ANKFN1: variants seen among roughly 807,000 people sequenced by gnomAD.
The protein encoded by ANKFN1 is ankyrin repeat and fibronectin type-III domain-containing protein 1.
A neutral mutation model predicts 108.7 loss-of-function variants in ANKFN1; 74 were observed. The ratio of observed to expected loss-of-function variants is 0.68; its 90% confidence interval spans 0.56 to 0.83. ANKFN1 has a LOEUF of 0.83. Ranked by LOEUF, ANKFN1 falls within the 40% of genes least tolerant of loss-of-function variation. The pLI, the probability that ANKFN1 is intolerant of heterozygous loss-of-function variation, is 0.00. For synonymous variants in ANKFN1, 547 were observed against 516.2 expected (o/e 1.06, Z -0.81); for missense variants, 1,505 against 1,382.3 (o/e 1.09, Z -1.41).
intron 3 of ANKFN1, among the ~76,000 whole-genome samples, chr17:56,321,567 A>G (rs2045368473): frequency 6.6e-6 from 1 of 152,178 alleles, no homozygotes; most frequent in African/African-American, 2.4e-5. Flanking sequence ...AACCACATGG[A>G]ACTAACCACA....
chr17:56,341,534 G>A (rs2192210), intron 4 of ANKFN1, among the ~76,000 whole-genome samples: 120,659 of 152,062 alleles, frequency 0.79, 48,198 homozygotes, highest in East Asian at 0.96. Context: ...AATTTTATCA[G>A]AAACCTTTTT....
chr17:56,231,184 G>A (rs1916709377), intron 3 of ANKFN1, among the ~76,000 whole-genome samples: 1 of 151,998 alleles, frequency 6.6e-6, no homozygotes. Context: ...AACAAGCCTA[G>A]AGCAGTCTCT....
chr17:56,275,152 G>T (rs934450057), intron 3 of ANKFN1, among the ~76,000 whole-genome samples: 3 of 152,104 alleles, frequency 2.0e-5, no homozygotes, highest in African/African-American at 7.2e-5. Flanking sequence ...GGAAACGGTT[G>T]CTTCCAATTC....
At chr17:56,418,867 TAA>T (rs2048316300) in intron 8 of ANKFN1, among the ~76,000 whole-genome samples, 5 of 151,948 alleles carry the variant, frequency 3.3e-5, no homozygotes, top group African/African-American at 1.2e-4. Flanking sequence ...CTTCAGGGGT[TAA>T]TGCACCTTGC....
intron 19 of ANKFN1, among the ~76,000 whole-genome samples, chr17:56,497,112 A>G (rs957141497): frequency 6.6e-6 from 1 of 152,140 alleles, no homozygotes; most frequent in Admixed American, 6.5e-5. Flanking sequence ...TGCCTTTAAA[A>G]TAACTTTCAA....
In ANKFN1 at chr17:56,246,439, G is replaced by A. The variant is rs113772085; in HGVS notation, c.53+18482G>A. Among the ~76,000 whole-genome samples, 502 of 152,160 alleles carry A rather than the reference G, an allele frequency of 3.3e-3. 2 individuals carry two copies. Among genetic ancestry groups the A allele is most frequent in the African/African-American group, 0.011 (471 of 41,528 alleles). ...ACATTATAATATTAGCCATTGACCC[G>A]CTTTTGTAACTAAAGTTAATGGCTA... On this transcript the variant is annotated intron_variant, in intron 3 of 20. Coordinates refer to ENST00000682825, the MANE Select transcript of ANKFN1 (RefSeq NM_001370326.1).
intron 5 of ANKFN1, among the ~76,000 whole-genome samples, chr17:56,351,633 A>T (rs111479044): frequency 1.2e-4 from 19 of 152,202 alleles, no homozygotes; most frequent in African/African-American, 4.6e-4. Flanking sequence ...GATAACTAAA[A>T]ATGTCTCAGT....
chr17:56,253,464 G>A (rs553387309), intron 3 of ANKFN1, among the ~76,000 whole-genome samples: 4 of 152,166 alleles, frequency 2.6e-5, no homozygotes, highest in East Asian at 3.9e-4. Context: ...CAGGCCGGGC[G>A]CAATGGTTCA....
At chr17:56,353,031 A>G (rs2046284871) in intron 5 of ANKFN1, among the ~76,000 whole-genome samples, 1 of 152,134 alleles carries the variant, frequency 6.6e-6, no homozygotes, top group South Asian at 2.1e-4. Context: ...TACCTGTGCT[A>G]ACATTACCTA....
At chr17:56,200,309 C>T (rs1427159180) in intron 1 of ANKFN1, among the ~76,000 whole-genome samples, 3 of 152,208 alleles carry the variant, frequency 2.0e-5, no homozygotes, top group South Asian at 2.1e-4. Flanking sequence ...TTAGAAAGAA[C>T]CATGAGCACT....
At chr17:56,089,165 C>A (rs1905369356) in intron 4 of ANKFN1, among the ~76,000 whole-genome samples, 1 of 151,388 alleles carries the variant, frequency 6.6e-6, no homozygotes, top group South Asian at 2.1e-4. Context: ...TTCTAGTTAT[C>A]ATGTCAAAAC....
intron 4 of ANKFN1, among the ~76,000 whole-genome samples, chr17:56,048,315 G>A (rs529461608): frequency 6.6e-6 from 1 of 151,896 alleles, no homozygotes; most frequent in Admixed American, 6.6e-5. Context: ...CTTCCTGGGG[G>A]GATGAATTCT....
intron 4 of ANKFN1, among the ~76,000 whole-genome samples, chr17:56,112,792 T>C (rs955904106): frequency 6.6e-6 from 1 of 152,348 alleles, no homozygotes; most frequent in East Asian, 1.9e-4. Context: ...TTCCATTCTA[T>C]AGATTGCAAT....
At chr17:56,185,645 CAG>C (rs1912127361) in intron 1 of ANKFN1, among the ~76,000 whole-genome samples, 1 of 152,142 alleles carries the variant, frequency 6.6e-6, no homozygotes, top group Admixed American at 6.5e-5. Context: ...CCTCCCACCA[CAG>C]AGTTAAAAAC....
intron 4 of ANKFN1, among the ~76,000 whole-genome samples, chr17:56,332,159 T>A (rs113908411): frequency 2.2e-3 from 331 of 152,272 alleles, no homozygotes; most frequent in African/African-American, 7.6e-3. Flanking sequence ...CTGCAGCTAC[T>A]GTCACAACAA....
chr17:56,328,610 A>G (rs927920087), intron 4 of ANKFN1, among the ~76,000 whole-genome samples: 1 of 152,150 alleles, frequency 6.6e-6, no homozygotes, highest in Admixed American at 6.5e-5. Context: ...TTCACTCTTC[A>G]TCAGAAAAAT....
intron 15 of ANKFN1, among the ~76,000 whole-genome samples, chr17:56,474,289 C>T (rs897354847): frequency 1.2e-4 from 19 of 152,174 alleles, no homozygotes; most frequent in African/African-American, 4.1e-4. Context: ...TTAAAAGCAA[C>T]GTAGTCCAGA....
intron 19 of ANKFN1, among the ~76,000 whole-genome samples, chr17:56,496,476 C>T (rs2051205006): frequency 6.6e-6 from 1 of 152,094 alleles, no homozygotes; most frequent in Non-Finnish European, 1.5e-5. Flanking sequence ...GGCAAGGCCA[C>T]ACTCCCTCTG....
rs1008718267 is a variant in ANKFN1, at chr17:56,260,321, T to C, written c.53+32364T>C. Among the ~76,000 whole-genome samples the C allele has an allele frequency of 5.9e-5, 9 of 152,236 alleles. No individual in the cohort carries two copies. The East Asian group carries it at 9.6e-4, about 16-fold the overall frequency. ...TTTCCCTTAAAATGCACAAGATTTT[T>C]AAATGAGGGAGAGTGGAATAAAGAA... is the stretch of plus-strand genomic sequence containing the variant. On this transcript the variant is annotated intron_variant, in intron 3 of 20. Coordinates refer to ENST00000682825, the MANE Select transcript of ANKFN1 (RefSeq NM_001370326.1).
Sources: allele counts gnomAD v4.1 joint callset (sites outside exome capture counted in the v4.1 genomes callset), GRCh38; gene constraint gnomAD v4.1.1; transcripts MANE v1.5; gene names NCBI Gene and HGNC (gene_info 2026-07-23, HGNC 2026-07-21).